RNF150: variants seen among roughly 807,000 people sequenced by gnomAD.
RNF150 encodes the protein ring finger protein 150.
Under a neutral mutation model 39.3 loss-of-function variants are expected in RNF150, and 24 were observed. The observed-to-expected ratio is 0.61, with a 90% confidence interval of 0.44 to 0.86. RNF150 has a LOEUF of 0.86. Ranked by LOEUF, RNF150 falls within the 40% of genes least tolerant of loss-of-function variation. RNF150 has a pLI of 0.00. For missense variants in RNF150, 502 were observed against 587.8 expected (o/e 0.85, Z 1.51); for synonymous variants, 255 against 227.3 (o/e 1.12, Z -1.10).
At position 140,896,721 on chromosome 4, in the gene RNF150, C is replaced by T. The variant is rs11335554; in HGVS notation, c.1198+14423G>A. ...AAAAACAAAAAAACAAACAAACAAA[C>T]AAAAAAAAATAATTTTTTTTCTTTA... is the stretch of plus-strand genomic sequence containing the variant. On this transcript the variant is annotated intron_variant, in intron 6 of 6. Coordinates refer to ENST00000515673, the MANE Select transcript of RNF150 (RefSeq NM_020724.2). 7.6e-3 allele frequency among the ~76,000 whole-genome samples: 424 copies of T among 56,082 alleles called. 5 individuals carry two copies. Among genetic ancestry groups the T allele is most frequent in the African/African-American group, 0.02 (405 of 20,460 alleles). 36.8% of individuals were successfully genotyped at this position (56,082 alleles called of 152,430 possible).
At chr4:141,102,790 G>A (rs944603860) in intron 1 of RNF150, among the ~76,000 whole-genome samples, 13 of 152,158 alleles carry the variant, frequency 8.5e-5, no homozygotes, top group African/African-American at 3.1e-4. Flanking sequence ...CTAAGCGGTT[G>A]TCTCCAGCAA....
intron 1 of RNF150, among the ~76,000 whole-genome samples, chr4:141,052,639 G>A (rs1736821298): frequency 6.6e-6 from 1 of 152,174 alleles, no homozygotes; most frequent in Admixed American, 6.5e-5. Context: ...GCCTCCCAAA[G>A]TGCTGGGATT....
intron 1 of RNF150, among the ~76,000 whole-genome samples, chr4:141,015,069 G>A (rs1578633451): frequency 6.6e-6 from 1 of 152,120 alleles, no homozygotes; most frequent in Non-Finnish European, 1.5e-5. Flanking sequence ...ACCATTTATT[G>A]AAGAGATTGT....
chr4:141,027,945 T>G (rs1560696827), intron 1 of RNF150, among the ~76,000 whole-genome samples: 4 of 130,626 alleles, frequency 3.1e-5, no homozygotes, highest in South Asian at 2.9e-4. Context: ...TTTTTTTTTT[T>G]TTTTTTTCAA....
chr4:141,199,769 G>A (rs1277299756), intron 1 of RNF150, among the ~76,000 whole-genome samples: 2 of 152,060 alleles, frequency 1.3e-5, no homozygotes, highest in Non-Finnish European at 2.9e-5. Context: ...ACTATGTTTT[G>A]TCAAAACCAT....
At chr4:140,994,186 G>A (rs901292171) in intron 1 of RNF150, among the ~76,000 whole-genome samples, 5 of 152,182 alleles carry the variant, frequency 3.3e-5, no homozygotes, top group East Asian at 3.8e-4. Context: ...TGTTTGGAGT[G>A]GAAATCCAAG....
rs115170454 is a variant in RNF150 at position 141,039,291 on chromosome 4, A to G, written c.485-71418T>C. ...AATTTGAGACTAACTGGTGAAAGTTAGTGGACAATTTTCTTTAGCAGGAGA... is the reference window on the plus strand; with the variant it reads ...AATTTGAGACTAACTGGTGAAAGTTGGTGGACAATTTTCTTTAGCAGGAGA... On this transcript the variant is annotated intron_variant, in intron 1 of 6. Coordinates refer to ENST00000515673, the MANE Select transcript of RNF150 (RefSeq NM_020724.2). 3.4e-4 allele frequency among the ~76,000 whole-genome samples: 52 copies of G among 151,846 alleles called. No individual in the cohort carries two copies. The East Asian group carries it at 4.3e-3, about 13-fold the overall frequency.
intron 1 of RNF150, among the ~76,000 whole-genome samples, chr4:141,210,500 T>C (rs1728445243): frequency 6.7e-6 from 1 of 148,868 alleles, no homozygotes; most frequent in African/African-American, 2.5e-5. Flanking sequence ...TTTTTTTTTT[T>C]CCAGGGAGAG....
chr4:141,001,140 T>C (rs1734654662), intron 1 of RNF150, among the ~76,000 whole-genome samples: 1 of 152,210 alleles, frequency 6.6e-6, no homozygotes, highest in Admixed American at 6.5e-5. Context: ...TGGAAAACTT[T>C]CAAAAGATTA....
chr4:140,933,740 G>A (rs1394606453), intron 4 of RNF150, among the ~76,000 whole-genome samples: 1 of 152,186 alleles, frequency 6.6e-6, no homozygotes, highest in Non-Finnish European at 1.5e-5. Flanking sequence ...TCCTTGTGAT[G>A]GTGAACTTCA....
intron 6 of RNF150, among the ~76,000 whole-genome samples, chr4:140,907,615 T>C (rs1472506610): frequency 6.6e-6 from 1 of 152,200 alleles, no homozygotes; most frequent in Non-Finnish European, 1.5e-5. Context: ...TTTTGATCTT[T>C]TAAGAGATTT....
chr4:140,959,121 C>G (rs1175277105), intron 2 of RNF150, among the ~76,000 whole-genome samples: 1 of 152,120 alleles, frequency 6.6e-6, no homozygotes, highest in South Asian at 2.1e-4. Context: ...TCCACATGGT[C>G]CTATGTACTT....
At chr4:141,180,468 G>A (rs1469810148) in intron 1 of RNF150, among the ~76,000 whole-genome samples, 3 of 152,190 alleles carry the variant, frequency 2.0e-5, no homozygotes, top group African/African-American at 7.2e-5. Flanking sequence ...GTCTGTAGGT[G>A]ACAGATAATG....
At chr4:140,938,022 G>T (rs1336175779) in intron 4 of RNF150, among the ~76,000 whole-genome samples, 1 of 152,152 alleles carries the variant, frequency 6.6e-6, no homozygotes, top group Non-Finnish European at 1.5e-5. Context: ...TCTCTGTCTG[G>T]CTAGAAAGTG....
chr4:141,202,214 A>G (rs1728302120), intron 1 of RNF150, among the ~76,000 whole-genome samples: 1 of 152,196 alleles, frequency 6.6e-6, no homozygotes, highest in Non-Finnish European at 1.5e-5. Context: ...TCCGTCTCAG[A>G]ATCCAAGGAA....
At position 141,179,048 on chromosome 4, in the gene RNF150, T is replaced by C. The variant is rs56267035; in HGVS notation, c.-6+33746A>G. Among the ~76,000 whole-genome samples the C allele has an allele frequency of 5.0e-3, 766 of 152,252 alleles. 7 individuals carry two copies. The highest frequency in any genetic ancestry group is 0.024 in the Middle Eastern group (7 of 294). On this transcript the variant is annotated intron_variant, in intron 1 of 7. Transcript: ENST00000420921. Reference sequence around the variant, plus strand: ...CCTGTTTCTTTCCTTCAGAGAAATATATGTATAGAAATATATGTAAATGTA... The same window carrying C: ...CCTGTTTCTTTCCTTCAGAGAAATACATGTATAGAAATATATGTAAATGTA...
intron 1 of RNF150, among the ~76,000 whole-genome samples, chr4:141,002,866 T>C (rs967725514): frequency 6.7e-6 from 1 of 148,338 alleles, no homozygotes; most frequent in African/African-American, 2.5e-5. Flanking sequence ...AGGTCTCTTC[T>C]AGTTCTGTGA....
At chr4:140,939,312 T>C (rs1731986929) in intron 4 of RNF150, among the ~76,000 whole-genome samples, 1 of 152,234 alleles carries the variant, frequency 6.6e-6, no homozygotes, top group Non-Finnish European at 1.5e-5. Flanking sequence ...AGTTATGTTC[T>C]GGTCTTTGTA....
chr4:140,981,664 C>T (rs1280382424), intron 1 of RNF150, among the ~76,000 whole-genome samples: 1 of 152,162 alleles, frequency 6.6e-6, no homozygotes, highest in African/African-American at 2.4e-5. Flanking sequence ...CCTGTATCAG[C>T]TGTTAAATAG....
Sources: gnomAD v4.1 joint callset for allele counts (sites outside exome capture counted in the v4.1 genomes callset) on GRCh38, gnomAD v4.1.1 for gene constraint, MANE v1.5 for transcripts, NCBI Gene and HGNC (gene_info 2026-07-23, HGNC 2026-07-21) for gene names.